The following TCF4 variants were observed in gnomAD, a reference collection of about 807,000 sequenced individuals.
TCF4 encodes the protein transcription factor 4.
In TCF4, 3 loss-of-function variants were observed where a neutral mutation model predicts 82.1. The ratio of observed to expected loss-of-function variants is 0.04; its 90% CI spans 0.02 to 0.09. The LOEUF (loss-of-function observed/expected upper bound fraction) is 0.09, where lower values mean the gene tolerates loss of function less well. Among genes scored for constraint, TCF4 ranks in the 10% least tolerant of loss-of-function variants. The pLI is 1.00. For synonymous variants in TCF4, 276 were observed against 309.6 expected (o/e 0.89, Z 1.14); for missense variants, 518 against 852.7 (o/e 0.61, Z 4.89).
chr18:55,392,363 A>C (rs1479303492), intron 6 of TCF4, among the ~76,000 whole-genome samples: 2 of 151,408 alleles, frequency 1.3e-5, no homozygotes, highest in Non-Finnish European at 2.9e-5. Context: ...GTGTACCTAC[A>C]GTCCCAACTA....
At chr18:55,398,124 C>T (rs1365687209) in intron 6 of TCF4, among the ~76,000 whole-genome samples, 3 of 152,170 alleles carry the variant, frequency 2.0e-5, no homozygotes, top group Non-Finnish European at 4.4e-5. Context: ...CACACCACTA[C>T]AGGGTCAATA....
At chr18:55,534,828 GA>G (rs1435401349) in intron 3 of TCF4, among the ~76,000 whole-genome samples, 1 of 152,192 alleles carries the variant, frequency 6.6e-6, no homozygotes, top group Non-Finnish European at 1.5e-5. Context: ...GTGAATGAAT[GA>G]AAAATATCAC....
intron 5 of TCF4, among the ~76,000 whole-genome samples, chr18:55,420,262 C>CAAA (rs1569446427): frequency 6.6e-6 from 1 of 152,050 alleles, no homozygotes; most frequent in African/African-American, 2.4e-5. Flanking sequence ...TCATCTTTAT[C>CAAA]ATCAGCTCAA....
chr18:55,484,113 TTA>T (rs1374661187), intron 3 of TCF4, among the ~76,000 whole-genome samples: 1 of 152,112 alleles, frequency 6.6e-6, no homozygotes, highest in Non-Finnish European at 1.5e-5. Context: ...ACCTATTTTC[TTA>T]TGTTATGAGA....
chr18:55,528,869 TCAA>T (rs1038057716), intron 3 of TCF4, among the ~76,000 whole-genome samples: 2 of 152,104 alleles, frequency 1.3e-5, no homozygotes, highest in Non-Finnish European at 1.5e-5. Context: ...TTCTTGACTA[TCAA>T]CAACAACAAC....
chr18:55,552,743 C>A (rs1332907111), intron 3 of TCF4, among the ~76,000 whole-genome samples: 1 of 152,230 alleles, frequency 6.6e-6, no homozygotes, highest in African/African-American at 2.4e-5. Flanking sequence ...AACCCCCGGA[C>A]TGAACCGCAG....
chr18:55,488,608 C>T (rs2096543014), intron 3 of TCF4, among the ~76,000 whole-genome samples: 1 of 152,138 alleles, frequency 6.6e-6, no homozygotes, highest in African/African-American at 2.4e-5. Flanking sequence ...GAGCCTGATG[C>T]TACTAACCTA....
intron 1 of TCF4, 164 bp from the exon 2 acceptor site, chr18:55,587,300 T>G (rs1437008736): frequency 1.1e-5 from 4 of 359,398 alleles, no homozygotes; most frequent in African/African-American, 2.6e-5. Flanking sequence ...GGGTTGGGTT[T>G]GGTTTTGTTT....
At chr18:55,310,807 C>A (rs1270793996) in intron 8 of TCF4, among the ~76,000 whole-genome samples, 1 of 152,170 alleles carries the variant, frequency 6.6e-6, no homozygotes, top group Admixed American at 6.5e-5. Flanking sequence ...TTTCTTTATG[C>A]TAATTTCTTC....
chr18:55,307,130 A>G (rs1216622039), intron 8 of TCF4, among the ~76,000 whole-genome samples: 1 of 151,026 alleles, frequency 6.6e-6, no homozygotes, highest in Non-Finnish European at 1.5e-5. Context: ...TGATTTAAAA[A>G]AAGGCTTTTA....
At chr18:55,421,832 T>C (rs1031806338) in intron 5 of TCF4, among the ~76,000 whole-genome samples, 2 of 152,020 alleles carry the variant, frequency 1.3e-5, no homozygotes, top group South Asian at 2.1e-4. Flanking sequence ...TGGTACCAGG[T>C]TGGCATCAAG....
intron 15 of TCF4, among the ~76,000 whole-genome samples, chr18:55,246,519 A>G (rs891488604): frequency 6.6e-6 from 1 of 152,168 alleles, no homozygotes; most frequent in African/African-American, 2.4e-5. Context: ...GGGCATGCAC[A>G]GTGTCCTCAT....
At chr18:55,433,881 C>T (rs368749438) in intron 5 of TCF4, among the ~76,000 whole-genome samples, 7 of 152,040 alleles carry the variant, frequency 4.6e-5, no homozygotes, top group Admixed American at 3.9e-4. Flanking sequence ...ATCATCCATG[C>T]GCACGACACT....
chr18:55,586,224 GCA>G, intron 2 of TCF4: 1 of 1,021,432 alleles, frequency 9.8e-7, no homozygotes. Flanking sequence ...AGCAGCAGCA[GCA>G]GCATGAAAGA....
At chr18:55,540,727 A>C (rs1169186050) in intron 3 of TCF4, among the ~76,000 whole-genome samples, 1 of 152,160 alleles carries the variant, frequency 6.6e-6, no homozygotes, top group African/African-American at 2.4e-5. Flanking sequence ...CACACAATTG[A>C]GAAAGCAAAG....
Position 55,571,749 on chromosome 18 carries a change from T to TG in TCF4, c.145+13530_145+13531insC, listed in dbSNP as rs549825765. On this transcript the variant is annotated intron_variant, in intron 3 of 19. Transcript: ENST00000354452. The stretch of plus-strand genomic sequence containing the variant: ...ATGAGAGGTAGAGGGTGTTTTTTTT[T>TG]TTGTTATTATATGTTTTGTTTTTAA... Among the ~76,000 whole-genome samples the TG allele has an allele frequency of 3.4e-3, 519 of 151,408 alleles. 4 individuals are homozygous for TG. Among genetic ancestry groups the TG allele is most frequent in the Non-Finnish European group, 5.6e-3 (379 of 67,796 alleles).
intron 5 of TCF4, among the ~76,000 whole-genome samples, chr18:55,450,170 T>C (rs945750187): frequency 6.6e-6 from 1 of 152,144 alleles, no homozygotes; most frequent in East Asian, 1.9e-4. Flanking sequence ...CTGACCACAG[T>C]GCTCTGCTAG....
intron 10 of TCF4, 59 bp downstream of exon 10, chr18:55,275,560 G>C: frequency 1.9e-6 from 3 of 1,611,394 alleles, no homozygotes; most frequent in Non-Finnish European, 1.7e-6. Flanking sequence ...TGGAAAGACA[G>C]AGGACGAGGT....
At chr18:55,277,472 A>T (rs2061671181) in intron 9 of TCF4, among the ~76,000 whole-genome samples, 2 of 152,252 alleles carry the variant, frequency 1.3e-5, no homozygotes, top group South Asian at 4.1e-4. Context: ...TACATATTTT[A>T]CATAAATTAT....
Sources: allele counts gnomAD v4.1 joint callset (sites outside exome capture counted in the v4.1 genomes callset), GRCh38; gene constraint gnomAD v4.1.1; transcripts MANE v1.5; gene names NCBI Gene and HGNC (gene_info 2026-07-23, HGNC 2026-07-21).